The following KCNK10 variants were observed in gnomAD, a reference collection of about 807,000 sequenced individuals.
KCNK10 encodes the protein potassium two pore domain channel subfamily K member 10.
Under a neutral mutation model 47.7 loss-of-function variants are expected in KCNK10, and 25 were observed. The observed-to-expected ratio is 0.52, with a 90% CI of 0.38 to 0.73. The LOEUF is 0.73. Among genes scored for constraint, KCNK10 ranks in the 30% least tolerant of loss-of-function variants. KCNK10 has a pLI of 0.00. For synonymous variants in KCNK10, 303 were observed against 285.6 expected, an observed-to-expected ratio of 1.06 and a Z score of -0.61; for missense variants, 563 against 714.5, an observed-to-expected ratio of 0.79 and a Z score of 2.42.
intron 3 of KCNK10, among the ~76,000 whole-genome samples, chr14:88,239,958 GA>G (rs1335699423): frequency 6.6e-6 from 1 of 151,556 alleles, no homozygotes; most frequent in East Asian, 1.9e-4. Context: ...CCAAGTGTCA[GA>G]AAAAAAAGAC....
At chr14:88,229,378 A>T (rs1002867627) in intron 3 of KCNK10, among the ~76,000 whole-genome samples, 1 of 152,120 alleles carries the variant, frequency 6.6e-6, no homozygotes, top group Non-Finnish European at 1.5e-5. Context: ...TTCTCCTTAG[A>T]CCCACTTAAC....
chr14:88,234,722 C>G (rs1886249833), intron 3 of KCNK10, among the ~76,000 whole-genome samples: 1 of 152,208 alleles, frequency 6.6e-6, no homozygotes, highest in Admixed American at 6.5e-5. Context: ...TGCTGGGTGT[C>G]TCTCCTGCTT....
intron 4 of KCNK10, among the ~76,000 whole-genome samples, chr14:88,207,860 T>C (rs1429436422): frequency 2.0e-5 from 3 of 151,158 alleles, no homozygotes; most frequent in Admixed American, 2.0e-4. Context: ...TTGGGGGGGG[T>C]GTTGACCTCA....
chr14:88,185,919 T>G lies in KCNK10; in HGVS notation c.1248A>C (p.Ser416=). The change falls in exon 7 of 7, where the codon TCA becomes TCC. Residue 416 remains serine, a synonymous_variant. Transcript: ENST00000319231. This position sits in a 1 kb window ranked among gnomAD's most constrained non-coding sequence, Gnocchi z 4.3. The stretch of plus-strand genomic sequence containing the variant: ...GCCGGTTGTTGATGCTCTCCTGGGA[T>G]GAGGCCTTGAAGCGGCCGGTGTCCA... The part of the protein sequence containing the change: ...AALDTGRFKA[S]SQESINNRPN... 1 of 1,614,076 alleles carries G rather than the reference T, an allele frequency of 6.2e-7. No homozygotes were observed. Among genetic ancestry groups the G allele is most frequent in the Non-Finnish European group, 8.5e-7 (1 of 1,180,002 alleles).
At chr14:88,270,815 A>T in intron 1 of KCNK10, 1 of 780,880 alleles carries the variant, frequency 1.3e-6, no homozygotes, top group Non-Finnish European at 2.4e-6. Context: ...ATGGTGTGTC[A>T]CTCTCTCAGG....
At chr14:88,320,751 T>C (rs1888529776) in intron 1 of KCNK10, among the ~76,000 whole-genome samples, 1 of 152,204 alleles carries the variant, frequency 6.6e-6, no homozygotes, top group Admixed American at 6.5e-5. Flanking sequence ...CCATTGTATC[T>C]GGTCCCCTAC....
Position 88,260,686 on chromosome 14 carries a change from A to G in KCNK10, c.402+2516T>C, listed in dbSNP as rs1887084707. On this transcript the variant is annotated intron_variant, in intron 2 of 6. Transcript: ENST00000319231. This position sits in a 1 kb window ranked among gnomAD's most constrained non-coding sequence, Gnocchi z 4.5. Reference sequence around the variant, plus strand: ...CCTCCCCTGTAAAATGGGAATCGTGATATGAACTTAGAGTGTTGTTGATAA... The same window carrying G: ...CCTCCCCTGTAAAATGGGAATCGTGGTATGAACTTAGAGTGTTGTTGATAA... Among the ~76,000 whole-genome samples, 1 of 152,210 alleles carries G rather than the reference A, an allele frequency of 6.6e-6. No individual in the cohort carries two copies. Among genetic ancestry groups the G allele is most frequent in the East Asian group, 1.9e-4 (1 of 5,202 alleles).
At chr14:88,275,205 T>C (rs12890419) in intron 1 of KCNK10, among the ~76,000 whole-genome samples, 2 of 152,110 alleles carry the variant, frequency 1.3e-5, no homozygotes, top group African/African-American at 4.8e-5. Context: ...CAATACCCCA[T>C]ATTCTTGTGT....
chr14:88,306,908 G>A (rs1888213454), intron 1 of KCNK10, among the ~76,000 whole-genome samples: 1 of 152,114 alleles, frequency 6.6e-6, no homozygotes, highest in African/African-American at 2.4e-5. Context: ...AATTAGACTG[G>A]TCAACACTAT....
chr14:88,231,183 G>C (rs1243378669), intron 3 of KCNK10, among the ~76,000 whole-genome samples: 1 of 152,146 alleles, frequency 6.6e-6, no homozygotes, highest in Non-Finnish European at 1.5e-5. Context: ...GGTTGGCTGA[G>C]GCGCGAGGAC....
intron 4 of KCNK10, among the ~76,000 whole-genome samples, chr14:88,222,957 G>C (rs1289615307): frequency 6.6e-6 from 1 of 152,166 alleles, no homozygotes; most frequent in Non-Finnish European, 1.5e-5. Flanking sequence ...TGAGATAAGG[G>C]TTCAAATTCT....
rs969138243 is a variant in KCNK10 at position 88,183,395 on chromosome 14, C to A, written c.*2140G>T. The A allele has an allele frequency of 1.3e-5, 2 of 152,386 alleles. No individual in the cohort carries two copies. The highest frequency in any genetic ancestry group is 2.9e-5 in the Non-Finnish European group (2 of 68,056). 9.4% of individuals were successfully genotyped at this position (152,386 alleles called of 1,614,324 possible). A position where few individuals can be genotyped will look rare whatever the true frequency, so the allele number is the denominator to read the frequency against. On this transcript the variant is annotated 3_prime_UTR_variant, in exon 7 of 7. Coordinates refer to ENST00000319231, the MANE Select transcript of KCNK10 (RefSeq NM_138317.3). ...CTGCTACAAAGAACGTACCAGATAA[C>A]ACAGAGTGGAAACCAAATAAGTGAG...
intron 2 of KCNK10, among the ~76,000 whole-genome samples, chr14:88,251,652 T>C (rs1886803486): frequency 6.6e-6 from 1 of 152,248 alleles, no homozygotes; most frequent in African/African-American, 2.4e-5. Flanking sequence ...AGAACCAAAA[T>C]GGCAATGTAC....
At chr14:88,261,540 C>T (rs899771268) in intron 2 of KCNK10, among the ~76,000 whole-genome samples, 3 of 152,052 alleles carry the variant, frequency 2.0e-5, no homozygotes, top group Admixed American at 6.6e-5. Context: ...ATTGCTTGAG[C>T]CTAGGAATTC....
intron 2 of KCNK10, among the ~76,000 whole-genome samples, chr14:88,250,938 T>A (rs1886777986): frequency 6.6e-6 from 1 of 152,130 alleles, no homozygotes; most frequent in Admixed American, 6.5e-5. Flanking sequence ...CTCTTGGTCT[T>A]CAAACAGATA....
At chr14:88,199,814 T>A (rs760553931) in intron 4 of KCNK10, among the ~76,000 whole-genome samples, 6 of 152,186 alleles carry the variant, frequency 3.9e-5, no homozygotes, top group Non-Finnish European at 8.8e-5. Flanking sequence ...CAAACAGGTA[T>A]GCATTTTCTG....
At chr14:88,273,653 G>T (rs1432832626) in intron 1 of KCNK10, among the ~76,000 whole-genome samples, 2 of 152,080 alleles carry the variant, frequency 1.3e-5, no homozygotes, top group Non-Finnish European at 2.9e-5. Flanking sequence ...TGCCTACCTC[G>T]TGATTCTCCC....
intron 4 of KCNK10, among the ~76,000 whole-genome samples, chr14:88,218,018 C>T (rs567092930): frequency 9.9e-5 from 15 of 152,018 alleles, no homozygotes; most frequent in South Asian, 4.2e-4. Flanking sequence ...CCACCACGCC[C>T]GGCTCGATTT....
intron 4 of KCNK10, among the ~76,000 whole-genome samples, chr14:88,198,741 C>T (rs1309577073): frequency 6.6e-6 from 1 of 152,116 alleles, no homozygotes; most frequent in Admixed American, 6.5e-5. Context: ...CAGCCCCTTC[C>T]TCTCCCCTTC....
Sources: allele counts gnomAD v4.1 joint callset (sites outside exome capture counted in the v4.1 genomes callset), GRCh38; gene constraint gnomAD v4.1.1; non-coding constraint Gnocchi (gnomAD v3.1); transcripts MANE v1.5; gene names NCBI Gene and HGNC (gene_info 2026-07-23, HGNC 2026-07-21).